MYO1D: variants seen among roughly 807,000 people sequenced by gnomAD.
The protein encoded by MYO1D is myosin ID.
Under a neutral mutation model 122.0 loss-of-function variants are expected in MYO1D, and 83 were observed. The ratio of observed to expected loss-of-function variants is 0.68; its 90% CI spans 0.57 to 0.82. The LOEUF (loss-of-function observed/expected upper bound fraction) is 0.82, where lower values mean the gene tolerates loss of function less well. Ranked by LOEUF, MYO1D falls within the 40% of genes least tolerant of loss-of-function variation. The probability of loss-of-function intolerance (pLI) is 0.00; values close to 1 mark genes in which losing one functional copy is unlikely to be tolerated. For synonymous variants in MYO1D, 464 were observed against 446.9 expected, an observed-to-expected ratio of 1.04 and a Z score of -0.48; for missense variants, 1,157 against 1,269.5, an observed-to-expected ratio of 0.91 and a Z score of 1.35.
intron 11 of MYO1D, 83 bp from the exon 12 acceptor site, chr17:32,749,089 G>A: frequency 8.2e-7 from 1 of 1,216,864 alleles, no homozygotes; most frequent in Non-Finnish European, 1.2e-6. Flanking sequence ...ATGAAATGAT[G>A]ATAATATCAC....
intron 1 of MYO1D, among the ~76,000 whole-genome samples, chr17:32,815,391 T>C (rs143840291): frequency 3.3e-5 from 5 of 152,282 alleles, no homozygotes; most frequent in African/African-American, 7.2e-5. Flanking sequence ...ACCAAAAATA[T>C]TGTGGTAGAA....
At chr17:32,649,496 G>A (rs1188208231) in intron 19 of MYO1D, among the ~76,000 whole-genome samples, 2 of 150,132 alleles carry the variant, frequency 1.3e-5, no homozygotes, top group Non-Finnish European at 3.0e-5. Context: ...TAATATCAAC[G>A]TTCACCTTGG....
At chr17:32,719,352 T>A (rs1447419649) in intron 15 of MYO1D, among the ~76,000 whole-genome samples, 4 of 52,110 alleles carry the variant, frequency 7.7e-5, no homozygotes, top group African/African-American at 2.1e-4. Context: ...CTCCTTGCCC[T>A]TTTTTTTTTT....
rs115292433 is a variant in MYO1D, at chr17:32,521,549, C to T, written c.2865-26634G>A. ...TTTAAATATAGATGCTAGTGAAATT[C>T]ATGATCAATAATTTAAAATGTTTCG... On this transcript the variant is annotated intron_variant, in intron 21 of 21. Transcript: ENST00000318217. 7.7e-3 allele frequency among the ~76,000 whole-genome samples: 1,177 copies of T among 152,322 alleles called. 16 individuals are homozygous for T. The highest frequency in any genetic ancestry group is 0.027 in the African/African-American group (1,126 of 41,562).
At chr17:32,787,769 C>T (rs1448164417) in intron 1 of MYO1D, among the ~76,000 whole-genome samples, 2 of 152,092 alleles carry the variant, frequency 1.3e-5, no homozygotes, top group Non-Finnish European at 2.9e-5. Context: ...CCCTCAAGTT[C>T]CCGAAGTCCA....
chr17:32,870,043 T>C (rs1262822310), intron 1 of MYO1D, among the ~76,000 whole-genome samples: 1 of 152,178 alleles, frequency 6.6e-6, no homozygotes. Context: ...GGGAACTAAA[T>C]TCAGCAGAAG....
At chr17:32,677,453 G>A (rs1002619528) in intron 16 of MYO1D, among the ~76,000 whole-genome samples, 3 of 151,916 alleles carry the variant, frequency 2.0e-5, no homozygotes, top group Non-Finnish European at 4.4e-5. Context: ...CATGTGAGTG[G>A]TGTGAATCTA....
chr17:32,853,432 A>G (rs116366431), intron 1 of MYO1D, among the ~76,000 whole-genome samples: 2,119 of 152,302 alleles, frequency 0.014, 43 homozygotes, highest in African/African-American at 0.046. Flanking sequence ...TCTATGGCCA[A>G]CTTGCCAACT....
chr17:32,575,691 A>G (rs1030413147), intron 21 of MYO1D, among the ~76,000 whole-genome samples: 8 of 152,092 alleles, frequency 5.3e-5, no homozygotes, highest in African/African-American at 1.7e-4. Context: ...TTATGTTTCA[A>G]TGGCTCCTGC....
chr17:32,505,988 G>T (rs1266154190), intron 21 of MYO1D, among the ~76,000 whole-genome samples: 1 of 152,222 alleles, frequency 6.6e-6, no homozygotes, highest in Non-Finnish European at 1.5e-5. Context: ...GGAGGCCAAG[G>T]TGGGAGGACC....
At chr17:32,592,487 C>T (rs8066514) in intron 21 of MYO1D, among the ~76,000 whole-genome samples, 69,970 of 151,696 alleles carry the variant, frequency 0.46, 16,625 homozygotes, top group Middle Eastern at 0.58. Flanking sequence ...CCTAATTCTT[C>T]TATGATTTCA....
chr17:32,783,344 T>A (rs552110996), intron 1 of MYO1D, among the ~76,000 whole-genome samples: 1 of 152,190 alleles, frequency 6.6e-6, no homozygotes, highest in African/African-American at 2.4e-5. Flanking sequence ...TCTAAAATAA[T>A]ATTTTATTAC....
intron 11 of MYO1D, among the ~76,000 whole-genome samples, chr17:32,755,047 T>C (rs1802868441): frequency 6.6e-6 from 1 of 152,244 alleles, no homozygotes. Context: ...AAGGAAGTCA[T>C]ATGATCTGAA....
chr17:32,810,433 T>C (rs2090559959), intron 1 of MYO1D, among the ~76,000 whole-genome samples: 1 of 152,230 alleles, frequency 6.6e-6, no homozygotes, highest in African/African-American at 2.4e-5. Flanking sequence ...CTGATCTCTG[T>C]TTCTCATGTT....
intron 16 of MYO1D, among the ~76,000 whole-genome samples, chr17:32,664,095 G>C (rs1184130162): frequency 6.6e-6 from 1 of 152,096 alleles, no homozygotes; most frequent in African/African-American, 2.4e-5. Flanking sequence ...AAGTCCCTTA[G>C]GCTCTATTTT....
At chr17:32,849,469 G>A (rs2090966409) in intron 1 of MYO1D, among the ~76,000 whole-genome samples, 3 of 149,882 alleles carry the variant, frequency 2.0e-5, no homozygotes, top group African/African-American at 5.0e-5. Flanking sequence ...TATACACCAT[G>A]GAATACTATG....
chr17:32,511,835 A>G (rs889333796), intron 21 of MYO1D, among the ~76,000 whole-genome samples: 2 of 152,186 alleles, frequency 1.3e-5, no homozygotes, highest in African/African-American at 4.8e-5. Context: ...GAACGCCATT[A>G]TATATTTGCT....
At chr17:32,683,895 C>T (rs903409695) in intron 16 of MYO1D, among the ~76,000 whole-genome samples, 2 of 151,822 alleles carry the variant, frequency 1.3e-5, no homozygotes, top group Non-Finnish European at 2.9e-5. Flanking sequence ...TAGCAATCAG[C>T]GAGACTCCGT....
At chr17:32,788,863 C>A (rs935163078) in intron 1 of MYO1D, among the ~76,000 whole-genome samples, 1 of 152,116 alleles carries the variant, frequency 6.6e-6, no homozygotes, top group Admixed American at 6.5e-5. Context: ...TTTCACAACA[C>A]TGATTCTTCC....
Sources: allele counts gnomAD v4.1 joint callset (sites outside exome capture counted in the v4.1 genomes callset), GRCh38; gene constraint gnomAD v4.1.1; transcripts MANE v1.5; gene names NCBI Gene and HGNC (gene_info 2026-07-23, HGNC 2026-07-21).